PFKFB3: variants seen among roughly 807,000 people sequenced by gnomAD.
PFKFB3 encodes the protein 6-phosphofructo-2-kinase/fructose-2,6-bisphosphatase 3.
Under a neutral mutation model 68.0 loss-of-function variants are expected in PFKFB3, and 33 were observed. That is an observed-to-expected ratio of 0.49 (90% CI 0.37 to 0.65). PFKFB3 has a LOEUF of 0.65. PFKFB3 is among the 30% of genes least tolerant of loss of function. PFKFB3 has a pLI of 0.00. For missense variants in PFKFB3, 586 were observed against 712.2 expected (o/e 0.82, Z 2.02); for synonymous variants, 315 against 288.2 (o/e 1.09, Z -0.94).
intron 1 of PFKFB3, among the ~76,000 whole-genome samples, chr10:6,169,395 G>A (rs770986764): frequency 2.6e-5 from 4 of 152,150 alleles, no homozygotes; most frequent in African/African-American, 9.7e-5. Flanking sequence ...CTTAATTTTA[G>A]TGAGCAAGGG....
intron 14 of PFKFB3, among the ~76,000 whole-genome samples, chr10:6,249,178 T>TAAAAAA (rs71391803): frequency 1.7e-3 from 130 of 76,842 alleles, no homozygotes; most frequent in African/African-American, 3.4e-3. Context: ...CCGTCTCAAT[T>TAAAAAA]AAAAAAAAAA....
the PFKFB3 span, among the ~76,000 whole-genome samples, chr10:6,274,054 A>T: frequency 1.3e-5 from 2 of 152,046 alleles, no homozygotes; most frequent in African/African-American, 4.8e-5. Flanking sequence ...AAAATAAAAT[A>T]GCTGAGCCTG....
rs1223326148 is a variant in PFKFB3, at chr10:6,166,664, T to A, written c.16+21651T>A. 2.0e-5 allele frequency among the ~76,000 whole-genome samples: 3 copies of A among 152,022 alleles called. No individual in the cohort carries two copies. In the East Asian group the frequency reaches 5.8e-4, roughly 29 times the overall value. ...GCCTCCCATCTCACCGCAAGTCGGA[T>A]CTTGAGTAGCACCTGTTTCGGCCCA... On this transcript the variant is annotated intron_variant, in intron 1 of 14. Transcript: ENST00000379789.
chr10:6,236,303 CGT>C (rs1478565752), downstream of PFKFB3, among the ~76,000 whole-genome samples: 1 of 152,208 alleles, frequency 6.6e-6, no homozygotes, highest in Non-Finnish European at 1.5e-5. Context: ...CCAGCCTCAG[CGT>C]CTGCATCTCT....
chr10:6,208,113 C>G (rs1351994871), intron 1 of PFKFB3, among the ~76,000 whole-genome samples: 1 of 152,154 alleles, frequency 6.6e-6, no homozygotes, highest in African/African-American at 2.4e-5. Context: ...GTCTCACTGT[C>G]ACCCAGGCTG....
chr10:6,185,919 C>A (rs1329875386), intron 1 of PFKFB3, among the ~76,000 whole-genome samples: 1 of 152,066 alleles, frequency 6.6e-6, no homozygotes, highest in Non-Finnish European at 1.5e-5. Flanking sequence ...GGATTACAGG[C>A]ATGAGCCACC....
the PFKFB3 span, chr10:6,294,747 A>G: frequency 6.5e-6 from 1 of 153,750 alleles, no homozygotes; most frequent in Non-Finnish European, 1.5e-5. Context: ...GTCATTCTGC[A>G]TAAGTAAGTT....
At chr10:6,280,422 C>T in the PFKFB3 span, among the ~76,000 whole-genome samples, 42 of 152,128 alleles carry the variant, frequency 2.8e-4, no homozygotes, top group Non-Finnish European at 5.9e-5. Flanking sequence ...GAACCTGGCT[C>T]GCCTGACGGT....
At chr10:6,315,628 C>T in the PFKFB3 span, among the ~76,000 whole-genome samples, 4 of 152,226 alleles carry the variant, frequency 2.6e-5, no homozygotes. Flanking sequence ...AGATTATAGA[C>T]ATGCACCGCC....
intron 1 of PFKFB3, among the ~76,000 whole-genome samples, chr10:6,208,517 C>A (rs1046140124): frequency 6.6e-6 from 1 of 151,854 alleles, no homozygotes; most frequent in African/African-American, 2.4e-5. Flanking sequence ...GAAAGACTTT[C>A]ATCTCAGTAG....
At chr10:6,176,057 G>C (rs1433499430) in intron 1 of PFKFB3, among the ~76,000 whole-genome samples, 1 of 152,352 alleles carries the variant, frequency 6.6e-6, no homozygotes, top group Middle Eastern at 3.4e-3. Flanking sequence ...CCCCCAAACG[G>C]AAAGAATGCA....
At chr10:6,202,903 T>C (rs994440370), upstream of PFKFB3, 14 of 1,149,070 alleles carry the variant, frequency 1.2e-5, no homozygotes, top group Non-Finnish European at 1.5e-5. Flanking sequence ...CCCGGACTCT[T>C]TAAAAGCCGG....
chr10:6,188,872 T>C (rs1588444242), intron 1 of PFKFB3, among the ~76,000 whole-genome samples: 2 of 137,252 alleles, frequency 1.5e-5, no homozygotes, highest in East Asian at 2.2e-4. Context: ...TCTCGCTCTG[T>C]CCCCCAGGCT....
intron 1 of PFKFB3, among the ~76,000 whole-genome samples, chr10:6,211,264 C>G (rs976914204): frequency 6.6e-6 from 1 of 152,206 alleles, no homozygotes; most frequent in African/African-American, 2.4e-5. Flanking sequence ...GACATTTGTT[C>G]CTATGATTAG....
upstream of PFKFB3, among the ~76,000 whole-genome samples, chr10:6,200,683 T>TGGG (rs1564613510): frequency 2.1e-4 from 2 of 9,644 alleles, no homozygotes; most frequent in Admixed American, 9.1e-4. Context: ...GGGCGGGGGG[T>TGGG]GGTGGTGGGG....
the PFKFB3 span, among the ~76,000 whole-genome samples, chr10:6,322,026 GTC>G: frequency 2.0e-5 from 3 of 152,118 alleles, no homozygotes; most frequent in South Asian, 6.2e-4. Flanking sequence ...ACTTCTAAAT[GTC>G]TCTCTTTAAT....
rs1264160817 is a variant in PFKFB3, at chr10:6,224,626, GC to G, written c.1341+414del. The G allele has an allele frequency of 1.1e-5, 4 of 367,590 alleles. No homozygotes were observed. In the East Asian group the frequency reaches 3.1e-4, roughly 28 times the overall value. The allele number at this position is 367,590 out of a possible 1,614,324, so 22.8% of individuals were successfully genotyped here. On this transcript the variant is annotated intron_variant, in intron 13 of 14. Transcript: ENST00000379775. Reference sequence around the variant, plus strand: ...CTCCCGCGTAGCTGAGACTACAGGTGCGCACCACCATGCCCAGCTAATTTTA... The same window carrying G: ...CTCCCGCGTAGCTGAGACTACAGGTGGCACCACCATGCCCAGCTAATTTTA...
At chr10:6,260,047 A>G in the PFKFB3 span, among the ~76,000 whole-genome samples, 1 of 152,338 alleles carries the variant, frequency 6.6e-6, no homozygotes, top group South Asian at 2.1e-4. Context: ...CATACATGAA[A>G]AAAAGCATGG....
chr10:6,191,936 G>A (rs1843034004), intron 1 of PFKFB3, among the ~76,000 whole-genome samples: 1 of 151,952 alleles, frequency 6.6e-6, no homozygotes, highest in African/African-American at 2.4e-5. Flanking sequence ...GTTCTCTGGG[G>A]GTAGATGAGT....
Sources: gnomAD v4.1 joint callset for allele counts (sites outside exome capture counted in the v4.1 genomes callset) on GRCh38, gnomAD v4.1.1 for gene constraint, MANE v1.5 for transcripts, NCBI Gene and HGNC (gene_info 2026-07-23, HGNC 2026-07-21) for gene names.